FLACC1: variants seen among roughly 807,000 people sequenced by gnomAD.
FLACC1 encodes flagellum-associated coiled-coil domain-containing protein 1.
FLACC1 carries 66 observed loss-of-function variants against 62.8 expected under a neutral mutation model. The ratio of observed to expected loss-of-function variants is 1.05; its 90% CI spans 0.86 to 1.29. The LOEUF (loss-of-function observed/expected upper bound fraction) is 1.29. Ranked by LOEUF, FLACC1 falls within the 50% of genes most tolerant of loss-of-function variation. The pLI is 0.00. For missense variants in FLACC1, 452 were observed against 489.1 expected (o/e 0.92, Z 0.71); for synonymous variants, 156 against 161.0 (o/e 0.97, Z 0.24).
chr2:201,296,792 A>C (rs944407185), intron 12 of FLACC1, among the ~76,000 whole-genome samples: 2 of 152,198 alleles, frequency 1.3e-5, no homozygotes, highest in Non-Finnish European at 2.9e-5. Flanking sequence ...TGAGAGGACA[A>C]GGTAACCTAA....
intron 7 of FLACC1, among the ~76,000 whole-genome samples, chr2:201,336,252 A>G (rs1313484951): frequency 6.6e-6 from 1 of 152,184 alleles, no homozygotes; most frequent in Non-Finnish European, 1.5e-5. Context: ...AAGTGAAAAT[A>G]TGCAGTATTT....
intron 1 of FLACC1, among the ~76,000 whole-genome samples, chr2:201,353,348 C>G (rs1255882531): frequency 1.3e-5 from 2 of 152,138 alleles, no homozygotes; most frequent in African/African-American, 2.4e-5. Context: ...AAATCCTCAT[C>G]TGCTGTACCA....
intron 7 of FLACC1, among the ~76,000 whole-genome samples, chr2:201,337,429 C>CA (rs1462700419): frequency 6.6e-6 from 1 of 152,158 alleles, no homozygotes; most frequent in Admixed American, 6.5e-5. Context: ...ACAGCATTGT[C>CA]AAAGATCAGT....
chr2:201,323,784 C>CAAAAAAAAAAAAAAAAAAAAAAAAAAAA (rs71022362), intron 9 of FLACC1, among the ~76,000 whole-genome samples: 5 of 52,746 alleles, frequency 9.5e-5, no homozygotes, highest in Non-Finnish European at 1.3e-4. Context: ...CAGACTCTAT[C>CAAAAAAAAAAAAAAAAAAAAAAAAAAAA]AAAAAAAAAA....
intron 6 of FLACC1, among the ~76,000 whole-genome samples, chr2:201,343,804 C>T (rs545718788): frequency 5.9e-5 from 9 of 152,290 alleles, no homozygotes; most frequent in African/African-American, 1.7e-4. Flanking sequence ...ACATTAAGTG[C>T]GCTGGTGTCG....
intron 11 of FLACC1, among the ~76,000 whole-genome samples, chr2:201,300,716 G>C (rs561121715): frequency 4.2e-4 from 64 of 151,780 alleles, no homozygotes; most frequent in Admixed American, 7.9e-4. Context: ...GTGCCCCTCT[G>C]AGATGAAGCT....
intron 3 of FLACC1, among the ~76,000 whole-genome samples, chr2:201,350,239 C>A (rs1390969218): frequency 2.0e-5 from 3 of 151,574 alleles, no homozygotes; most frequent in Non-Finnish European, 2.9e-5. Context: ...ACAAAAATTA[C>A]GTGGGCATGG....
intron 11 of FLACC1, among the ~76,000 whole-genome samples, chr2:201,304,263 C>A (rs1950053994): frequency 6.6e-6 from 1 of 152,108 alleles, no homozygotes; most frequent in Non-Finnish European, 1.5e-5. Context: ...GTGCAAAAAT[C>A]ACAAGCATTC....
chr2:201,328,097 C>T (rs535115655), intron 9 of FLACC1, among the ~76,000 whole-genome samples: 28 of 151,958 alleles, frequency 1.8e-4, no homozygotes, highest in African/African-American at 6.3e-4. Context: ...AAAGTGGGAG[C>T]TAAGTCATGA....
At chr2:201,342,720 G>A (rs556448102) in intron 6 of FLACC1, among the ~76,000 whole-genome samples, 31 of 152,324 alleles carry the variant, frequency 2.0e-4, no homozygotes, top group Admixed American at 3.3e-4. Flanking sequence ...CTGGTCTCCT[G>A]TGCTAGATCG....
At position 201,357,023 on chromosome 2, in the gene FLACC1, TC is replaced by T. The variant is rs1481000628; in HGVS notation, c.-90del. ...ATCTGTTATTCTCATGTGGCCCAAG[TC>T]AAACATCTTAAAGAAACCACCATGT... On this transcript the variant is annotated 5_prime_UTR_variant, in exon 1 of 15. An upstream open reading frame in the 5' UTR loses its in-frame stop. Coordinates refer to ENST00000392257, the MANE Select transcript of FLACC1 (RefSeq NM_001127391.3). 2 of 152,182 alleles carry T rather than the reference TC, an allele frequency of 1.3e-5. No homozygotes were observed. The highest frequency in any genetic ancestry group is 3.8e-4 in the East Asian group (2 of 5,198). The allele number at this position is 152,182 out of a possible 1,614,324, so 9.4% of individuals were successfully genotyped here. A position where few individuals can be genotyped will look rare whatever the true frequency, so the allele number is the denominator to read the frequency against.
intron 7 of FLACC1, among the ~76,000 whole-genome samples, chr2:201,333,043 C>T (rs1214850788): frequency 6.6e-6 from 1 of 152,148 alleles, no homozygotes; most frequent in Non-Finnish European, 1.5e-5. Context: ...TCTCAACAAA[C>T]TGATTTCAAA....
intron 11 of FLACC1, among the ~76,000 whole-genome samples, chr2:201,300,319 C>T (rs988344184): frequency 2.6e-5 from 4 of 152,212 alleles, no homozygotes; most frequent in African/African-American, 9.6e-5. Context: ...CGGAGCTTTG[C>T]TCACTGCTAG....
At chr2:201,308,544 T>C (rs956794167) in intron 10 of FLACC1, among the ~76,000 whole-genome samples, 1 of 152,216 alleles carries the variant, frequency 6.6e-6, no homozygotes, top group East Asian at 1.9e-4. Context: ...CTACCTCAAC[T>C]AGTCTTCTAG....
rs1306329713 is a variant in FLACC1 at position 201,342,369 on chromosome 2, C to G, written c.524+1G>C. 3 of 1,614,136 alleles carry G rather than the reference C, an allele frequency of 1.9e-6. No individual in the cohort carries two copies. Among genetic ancestry groups the G allele is most frequent in the Non-Finnish European group, 2.5e-6 (3 of 1,180,008 alleles). ...ACAAGGGTCCATGCCAGAAAGTGTACCTGTTCTTGTTTTCAAAGTTCTGTT... is the reference window on the plus strand; with the variant it reads ...ACAAGGGTCCATGCCAGAAAGTGTAGCTGTTCTTGTTTTCAAAGTTCTGTT... On this transcript the variant is annotated splice_donor_variant, in intron 7 of 14. Coordinates refer to ENST00000392257, the MANE Select transcript of FLACC1 (RefSeq NM_001127391.3). LOFTEE classifies it high-confidence loss of function.
intron 11 of FLACC1, among the ~76,000 whole-genome samples, chr2:201,306,398 C>G (rs920691073): frequency 2.0e-5 from 3 of 152,056 alleles, no homozygotes; most frequent in African/African-American, 7.2e-5. Context: ...TGGGCAGGGA[C>G]ACAAATCTAA....
chr2:201,354,427 T>C (rs920057698), intron 1 of FLACC1, among the ~76,000 whole-genome samples: 4 of 152,034 alleles, frequency 2.6e-5, no homozygotes, highest in African/African-American at 9.7e-5. Flanking sequence ...TCTTCTGCAA[T>C]AGAGGTCAGG....
intron 3 of FLACC1, among the ~76,000 whole-genome samples, chr2:201,349,394 C>T (rs1192451698): frequency 1.3e-5 from 2 of 152,192 alleles, no homozygotes; most frequent in Admixed American, 1.3e-4. Flanking sequence ...AGTATCCCCA[C>T]CGTCACAGCC....
At chr2:201,339,348 A>AT (rs927942295) in intron 7 of FLACC1, among the ~76,000 whole-genome samples, 10 of 150,258 alleles carry the variant, frequency 6.7e-5, no homozygotes, top group African/African-American at 2.4e-4. Context: ...AATTTGGTTT[A>AT]TTTTTTTGAA....
Sources: gnomAD v4.1 joint callset for allele counts (sites outside exome capture counted in the v4.1 genomes callset) on GRCh38, gnomAD v4.1.1 for gene constraint, MANE v1.5 for transcripts, NCBI Gene and HGNC (gene_info 2026-07-23, HGNC 2026-07-21) for gene names.